DOK7: variants seen among roughly 807,000 people sequenced by gnomAD.
DOK7 encodes protein Dok-7.
In DOK7, 32 loss-of-function variants were observed where a neutral mutation model predicts 30.7. That is an observed-to-expected ratio of 1.04 (90% CI 0.79 to 1.40). DOK7 has a LOEUF of 1.40. DOK7 is among the 40% of genes most tolerant of loss of function. DOK7 has a pLI of 0.00. For synonymous variants in DOK7, 447 were observed against 324.1 expected (o/e 1.38, Z -4.07); for missense variants, 1,007 against 699.2 (o/e 1.44, Z -4.97).
intron 2 of DOK7, among the ~76,000 whole-genome samples, chr4:3,469,432 G>C (rs996400764): frequency 6.6e-6 from 1 of 152,144 alleles, no homozygotes; most frequent in African/African-American, 2.4e-5. Context: ...TGGGTGGGCA[G>C]GGCTGATGGT....
rs1339237449 is a variant in DOK7 at position 3,492,964 on chromosome 4, G to C, written c.978G>C (p.Gln326His). Reference sequence around the variant, plus strand: ...CCCCCAAGCCGCTGCGTCCGCGGCAGCTGCAGGAGGTTGGCCGCCAGAGCT... The same window carrying C: ...CCCCCAAGCCGCTGCGTCCGCGGCACCTGCAGGAGGTTGGCCGCCAGAGCT... The part of the protein sequence containing the change: ...RPPPKPLRPR[Q>H]LQEVGRQSSS... Residue 326 changes from glutamine to histidine, a missense_variant, in exon 7 of 7, where the codon CAG becomes CAC. Coordinates refer to ENST00000340083, the MANE Select transcript of DOK7 (RefSeq NM_173660.5). The C allele has an allele frequency of 6.4e-7, 1 of 1,552,588 alleles. No homozygotes were observed. The highest frequency in any genetic ancestry group is 2.4e-5 in the East Asian group (1 of 41,664).
At chr4:3,490,187 CA>C (rs1354653612) in intron 6 of DOK7, among the ~76,000 whole-genome samples, 7 of 58,754 alleles carry the variant, frequency 1.2e-4, no homozygotes, top group African/African-American at 4.2e-4. Flanking sequence ...CCGCCCCCCC[CA>C]CTCATTCCTT....
chr4:3,476,252 A>AC, intron 3 of DOK7, 90 bp from the exon 4 acceptor site: 5 of 137,344 alleles, frequency 3.6e-5, no homozygotes, highest in South Asian at 1.4e-4. Context: ...CTCTCACCCC[A>AC]CCCGCCCGTG....
intron 4 of DOK7, chr4:3,484,766 C>T (rs745994001): frequency 8.1e-5 from 80 of 985,398 alleles, no homozygotes; most frequent in Non-Finnish European, 9.4e-5. Context: ...GCAGCTCCAG[C>T]TTCCCCTGAA....
In DOK7 at chr4:3,493,105, C is replaced by T. The variant is rs777094124; in HGVS notation, c.1119C>T (p.Leu373=). The T allele has an allele frequency of 6.3e-7, 1 of 1,583,428 alleles. No homozygotes were observed. The highest frequency in any genetic ancestry group is 1.3e-5 in the African/African-American group (1 of 74,562). ...WRATDELGSL[L]SLPAAGAPEP... The stretch of plus-strand genomic sequence containing the variant: ...CCACAGATGAACTGGGCTCACTGCT[C>T]AGCCTGCCAGCAGCGGGGGCCCCCG... The change falls in exon 7 of 7, where the codon CTC becomes CTT. Residue 373 remains leucine, a synonymous_variant. Coordinates refer to ENST00000340083, the MANE Select transcript of DOK7 (RefSeq NM_173660.5).
chr4:3,467,457 C>A (rs10034741), intron 2 of DOK7, among the ~76,000 whole-genome samples: 25,552 of 126,146 alleles, frequency 0.2, 2,121 homozygotes, highest in African/African-American at 0.3. Flanking sequence ...AGACCCCCCC[C>A]CCCCACCCCA....
chr4:3,484,790 G>A (rs946291734), intron 4 of DOK7: 1 of 985,562 alleles, frequency 1.0e-6, no homozygotes, highest in Non-Finnish European at 1.2e-6. Context: ...TGACCGAGGA[G>A]GTGGGGAGGA....
Position 3,476,524 on chromosome 4 carries a change from G to A in DOK7, c.514G>A (p.Gly172Arg), listed in dbSNP as rs768892432. Residue 172 changes from glycine (G) to arginine (R), a missense_variant, in exon 4 of 7, where the codon GGG becomes AGG. Transcript: ENST00000340083. ...GCCAAGCGGATTCATCTTTGAAGGCGGGACCAGGTGTGGGTACTGTAAGTA... is the reference window on the plus strand; with the variant it reads ...GCCAAGCGGATTCATCTTTGAAGGCAGGACCAGGTGTGGGTACTGTAAGTA... ...AVPSGFIFEGGTRCGYWAGVF... is the reference protein window; with the variant it reads ...AVPSGFIFEGRTRCGYWAGVF... 7 of 1,613,946 alleles carry A rather than the reference G, an allele frequency of 4.3e-6. No individual in the cohort carries two copies. In the African/African-American group the frequency reaches 6.7e-5, roughly 15 times the overall value.
chr4:3,484,467 G>A, intron 4 of DOK7: 1 of 983,704 alleles, frequency 1.0e-6, no homozygotes, highest in Non-Finnish European at 1.2e-6. Flanking sequence ...AATGGGCAGA[G>A]GCCCCGGAGC....
chr4:3,477,334 C>T (rs2109345870), intron 4 of DOK7, among the ~76,000 whole-genome samples: 1 of 152,368 alleles, frequency 6.6e-6, no homozygotes, highest in African/African-American at 2.4e-5. Context: ...TCCTGTGGGC[C>T]TGGTTTGGGG....
chr4:3,498,796 T>C (rs1335352461), downstream of DOK7, among the ~76,000 whole-genome samples: 2 of 152,230 alleles, frequency 1.3e-5, no homozygotes, highest in African/African-American at 2.4e-5. Flanking sequence ...GGACCAGCCC[T>C]CTAGGACCAC....
In DOK7 at chr4:3,489,816, T is replaced by G; in HGVS notation, c.772+20T>G. 6.4e-7 allele frequency: 1 copy of G among 1,564,672 alleles called. No homozygotes were observed. The highest frequency in any genetic ancestry group is 8.7e-7 in the Non-Finnish European group (1 of 1,154,124). On this transcript the variant is annotated intron_variant, in intron 6 of 6. Coordinates refer to ENST00000340083, the MANE Select transcript of DOK7 (RefSeq NM_173660.5). ...GTGGAGGTAGGGCCGGGGGCTGACC[T>G]GGGCTGTGGGACCTCGGCTAAGCCT...
At chr4:3,483,725 C>T (rs1007151623) in intron 4 of DOK7, among the ~76,000 whole-genome samples, 1 of 152,230 alleles carries the variant, frequency 6.6e-6, no homozygotes, top group African/African-American at 2.4e-5. Context: ...ATTAGAGAGC[C>T]TGGCCTTTCG....
chr4:3,470,056 TAG>T (rs1726671722), intron 2 of DOK7, among the ~76,000 whole-genome samples: 1 of 152,154 alleles, frequency 6.6e-6, no homozygotes. Flanking sequence ...TCCTGGGAGT[TAG>T]AGCTCTGCAG....
chr4:3,484,970 C>G, intron 4 of DOK7: 3 of 806,136 alleles, frequency 3.7e-6, no homozygotes, highest in Non-Finnish European at 4.5e-6. Flanking sequence ...GCTCCCTTCT[C>G]CTGTGGCCTT....
Position 3,479,855 on chromosome 4 carries a change from C to T in DOK7, c.532+3313C>T, listed in dbSNP as rs145407110. Among the ~76,000 whole-genome samples the T allele has an allele frequency of 1.9e-4, 29 of 152,322 alleles. No homozygotes were observed. The East Asian group carries it at 4.2e-3, about 22-fold the overall frequency. On this transcript the variant is annotated intron_variant, in intron 4 of 6. Transcript: ENST00000340083. ...GGGTCCCCAGTGTGGCCCAATTCCC[C>T]GTCTCTGTTGGTCACGGGCCTGTAG...
At position 3,493,538 on chromosome 4, in the gene DOK7, G is replaced by A; in HGVS notation, c.*37G>A. On this transcript the variant is annotated 3_prime_UTR_variant, in exon 7 of 7. Coordinates refer to ENST00000340083, the MANE Select transcript of DOK7 (RefSeq NM_173660.5). ...CCCGCCCCGCGGCTGCAAAGGGGCT[G>A]AATTTGCCCCCAGATGGCAGAGGAA... The A allele has an allele frequency of 1.9e-6, 3 of 1,602,730 alleles. No individual in the cohort carries two copies. Among genetic ancestry groups the A allele is most frequent in the Non-Finnish European group, 2.6e-6 (3 of 1,174,994 alleles).
chr4:3,467,738 G>C lies in DOK7; in HGVS notation c.100+4187G>C, dbSNP rs370772985. Among the ~76,000 whole-genome samples the C allele has an allele frequency of 1.2e-3, 176 of 152,296 alleles. 1 individual carries two copies. Among genetic ancestry groups the C allele is most frequent in the African/African-American group, 3.9e-3 (161 of 41,554 alleles). On this transcript the variant is annotated intron_variant, in intron 2 of 6. Coordinates refer to ENST00000340083, the MANE Select transcript of DOK7 (RefSeq NM_173660.5). Reference sequence around the variant, plus strand: ...CGAATGCCACAGCCTGGGCGGCTCAGACGACAGCCAGTCACTGCTCACGGT... The same window carrying C: ...CGAATGCCACAGCCTGGGCGGCTCACACGACAGCCAGTCACTGCTCACGGT...
intron 2 of DOK7, 100 bp from the exon 3 acceptor site, chr4:3,473,306 C>T: frequency 8.1e-7 from 1 of 1,230,860 alleles, no homozygotes; most frequent in South Asian, 1.3e-5. Flanking sequence ...GAGGTCATGA[C>T]CCCAGCCCGG....
Sources: allele counts gnomAD v4.1 joint callset (sites outside exome capture counted in the v4.1 genomes callset), GRCh38; gene constraint gnomAD v4.1.1; transcripts MANE v1.5; gene names NCBI Gene and HGNC (gene_info 2026-07-23, HGNC 2026-07-21).